The following SEMA5B variants were observed in gnomAD, a reference collection of about 807,000 sequenced individuals.
The protein encoded by SEMA5B is semaphorin 5B, also known as semaphorin-5B.
SEMA5B carries 66 observed loss-of-function variants against 135.0 expected under a neutral mutation model. The observed-to-expected ratio is 0.49, with a 90% CI of 0.40 to 0.60. SEMA5B has a LOEUF of 0.60. SEMA5B is among the 20% of genes least tolerant of loss of function. The probability of loss-of-function intolerance (pLI) is 0.00; values close to 1 mark genes in which losing one functional copy is unlikely to be tolerated. For missense variants in SEMA5B, 1,501 were observed against 1,566.3 expected (o/e 0.96, Z 0.70); for synonymous variants, 690 against 639.5 (o/e 1.08, Z -1.19).
At chr3:122,975,939 C>G in intron 1 of SEMA5B, 1 of 1,527,670 alleles carries the variant, frequency 6.5e-7, no homozygotes, top group Non-Finnish European at 8.8e-7. Context: ...CATTCCCCCT[C>G]CATCCAACCT....
At chr3:122,986,947 G>A (rs200866692) in intron 1 of SEMA5B, among the ~76,000 whole-genome samples, 3 of 152,154 alleles carry the variant, frequency 2.0e-5, no homozygotes, top group Non-Finnish European at 2.9e-5. Context: ...TGTGGGGCCC[G>A]GGATTGTGGG....
At position 122,913,650 on chromosome 3, in the gene SEMA5B, G is replaced by A. The variant is rs1482281707; in HGVS notation, c.2164C>T (p.Pro722Ser). Reference sequence around the variant, plus strand: ...GAGCCCCAGGAAGCCCAGAAGATGGGCACCGGGCAAGGCGTGTTCTCATTA... The same window carrying A: ...GAGCCCCAGGAAGCCCAGAAGATGGACACCGGGCAAGGCGTGTTCTCATTA... Reference protein sequence around the residue: ...FCNENTPCPVPIFWASWGSWS... With the variant: ...FCNENTPCPVSIFWASWGSWS... Residue 722 changes from proline (P) to serine (S), a missense_variant, in exon 16 of 23, where the codon CCC becomes TCC. Pro to Ser is a moderately conservative substitution (Grantham distance 74). Transcript: ENST00000357599. 1 of 1,613,726 alleles carries A rather than the reference G, an allele frequency of 6.2e-7. No homozygotes were observed. Among genetic ancestry groups the A allele is most frequent in the Admixed American group, 1.7e-5 (1 of 60,024 alleles).
Position 122,994,489 on chromosome 3 carries a change from T to C in SEMA5B, c.-39+32975A>G, listed in dbSNP as rs1941976308. ...GGCCCCTGCTTCTCCTTCCTACGTT[T>C]CCCTGCCATGATGGGTGTGTGCTGA... On this transcript the variant is annotated intron_variant, in intron 1 of 22. Transcript: ENST00000357599. Among the ~76,000 whole-genome samples the C allele has an allele frequency of 2.6e-5, 4 of 152,324 alleles. No homozygotes were observed. In the South Asian group the frequency reaches 8.3e-4, roughly 32 times the overall value.
chr3:122,939,361 T>C (rs1939451456), intron 5 of SEMA5B, 64 bp downstream of exon 5: 1 of 1,324,420 alleles, frequency 7.6e-7, no homozygotes, highest in African/African-American at 1.4e-5. Context: ...CCACTTGCGT[T>C]GCCCTGCCTT....
intron 1 of SEMA5B, among the ~76,000 whole-genome samples, chr3:123,024,322 T>G (rs565953774): frequency 3.0e-4 from 46 of 152,334 alleles, no homozygotes; most frequent in African/African-American, 1.0e-3. Flanking sequence ...TCTTTTTAGA[T>G]CCCCACTCAG....
chr3:123,023,322 GCACA>G (rs3080430), intron 1 of SEMA5B, among the ~76,000 whole-genome samples: 8,697 of 143,918 alleles, frequency 0.06, 256 homozygotes, highest in East Asian at 0.15. Context: ...ACTATTTCCA[GCACA>G]CACACACACA....
At chr3:123,005,324 A>T (rs904026819) in intron 1 of SEMA5B, among the ~76,000 whole-genome samples, 2 of 152,028 alleles carry the variant, frequency 1.3e-5, no homozygotes, top group Admixed American at 1.3e-4. Flanking sequence ...TCCCCACCCC[A>T]TCCTGTCTCA....
chr3:123,017,638 T>A (rs1942592546), intron 1 of SEMA5B, among the ~76,000 whole-genome samples: 1 of 152,224 alleles, frequency 6.6e-6, no homozygotes. Context: ...CCAGGCGCAG[T>A]GGCTCACACC....
At chr3:122,926,230 A>C (rs1277467123) in intron 9 of SEMA5B, among the ~76,000 whole-genome samples, 162 bp downstream of exon 9, 1 of 152,256 alleles carries the variant, frequency 6.6e-6, no homozygotes, top group Non-Finnish European at 1.5e-5. Flanking sequence ...AGCAACCCAG[A>C]ACACGAGCTT....
At chr3:122,910,359 C>A in intron 22 of SEMA5B, 58 bp from the exon 23 acceptor site, 2 of 1,577,478 alleles carry the variant, frequency 1.3e-6, no homozygotes, top group Non-Finnish European at 1.7e-6. Context: ...GGGAAGGGAA[C>A]AGGCCAGAGC....
intron 2 of SEMA5B, among the ~76,000 whole-genome samples, chr3:122,960,027 C>T (rs1333583484): frequency 1.3e-5 from 2 of 152,226 alleles, no homozygotes; most frequent in Admixed American, 1.3e-4. Context: ...TCCCCCTGGG[C>T]AGGCTCTCTC....
At chr3:122,972,726 C>T (rs964493410) in intron 1 of SEMA5B, among the ~76,000 whole-genome samples, 2 of 152,186 alleles carry the variant, frequency 1.3e-5, no homozygotes, top group African/African-American at 4.8e-5. Context: ...AAATCCCCTT[C>T]ATGTGGATGG....
At chr3:123,016,321 T>C (rs755946614) in intron 1 of SEMA5B, among the ~76,000 whole-genome samples, 22 of 152,314 alleles carry the variant, frequency 1.4e-4, no homozygotes, top group Non-Finnish European at 2.8e-4. Flanking sequence ...TAAGTATACC[T>C]GGGGGACCAG....
chr3:122,959,548 G>C (rs1031527144), intron 2 of SEMA5B, among the ~76,000 whole-genome samples: 1 of 151,322 alleles, frequency 6.6e-6, no homozygotes, highest in Non-Finnish European at 1.5e-5. Context: ...CCTACAAACA[G>C]AGTAAGTCAA....
intron 1 of SEMA5B, among the ~76,000 whole-genome samples, chr3:122,981,277 G>A (rs1292378719): frequency 2.4e-5 from 3 of 123,958 alleles, no homozygotes; most frequent in Admixed American, 8.9e-5. Flanking sequence ...TAGGCCCCTC[G>A]GGGCTTGTGT....
At chr3:122,919,553 A>G (rs1172220876) in intron 12 of SEMA5B, among the ~76,000 whole-genome samples, 1 of 152,132 alleles carries the variant, frequency 6.6e-6, no homozygotes, top group Non-Finnish European at 1.5e-5. Context: ...CCAGTTTTGG[A>G]AGGCATGAGG....
intron 2 of SEMA5B, among the ~76,000 whole-genome samples, chr3:122,953,612 C>G (rs1940153233): frequency 1.3e-5 from 2 of 152,170 alleles, no homozygotes; most frequent in Admixed American, 6.5e-5. Context: ...TCTGGGATCT[C>G]CTCTACTCAA....
At chr3:122,964,651 A>T (rs1056806832) in intron 1 of SEMA5B, among the ~76,000 whole-genome samples, 1 of 151,962 alleles carries the variant, frequency 6.6e-6, no homozygotes, top group Non-Finnish European at 1.5e-5. Context: ...TCCCTCCTGG[A>T]CAAGGGAACC....
chr3:122,932,941 T>C (rs1323715813), intron 5 of SEMA5B, among the ~76,000 whole-genome samples: 2 of 152,166 alleles, frequency 1.3e-5, no homozygotes, highest in Admixed American at 6.5e-5. Flanking sequence ...ACTTGTCTTA[T>C]ACTCTTGGTC....
Sources: allele counts gnomAD v4.1 joint callset (sites outside exome capture counted in the v4.1 genomes callset), GRCh38; gene constraint gnomAD v4.1.1; transcripts MANE v1.5; gene names NCBI Gene and HGNC (gene_info 2026-07-23, HGNC 2026-07-21).